Variants in ESRRG observed in about 807,000 individuals in gnomAD.
The protein encoded by ESRRG is estrogen related receptor gamma.
ESRRG carries 13 observed loss-of-function variants against 44.0 expected under a neutral mutation model. The ratio of observed to expected loss-of-function variants is 0.30; its 90% CI spans 0.19 to 0.47. ESRRG has a LOEUF of 0.47. Ranked by LOEUF, ESRRG falls within the 20% of genes least tolerant of loss-of-function variation. ESRRG has a pLI of 1.00. For synonymous variants in ESRRG, 215 were observed against 214.6 expected (o/e 1.00, Z -0.02); for missense variants, 395 against 580.6 (o/e 0.68, Z 3.29).
chr1:216,609,741 A>G (rs1443113414), intron 3 of ESRRG, among the ~76,000 whole-genome samples: 1 of 152,218 alleles, frequency 6.6e-6, no homozygotes, highest in African/African-American at 2.4e-5. Context: ...AGGAGACATA[A>G]GCATAAAAAT....
chr1:217,078,138 G>A (rs1351431767), intron 1 of ESRRG: 1 of 152,200 alleles, frequency 6.6e-6, no homozygotes, highest in Non-Finnish European at 1.5e-5. Context: ...ATACTTACAC[G>A]TTCTGGGTTC....
chr1:216,808,240 T>G (rs1196965496), intron 2 of ESRRG, among the ~76,000 whole-genome samples: 1 of 152,086 alleles, frequency 6.6e-6, no homozygotes, highest in Non-Finnish European at 1.5e-5. Flanking sequence ...TGGTTGCTAT[T>G]ATATTACTGT....
chr1:216,883,386 G>GAAAAAAAAAAAAAA, intron 2 of ESRRG, among the ~76,000 whole-genome samples: 1 of 75,842 alleles, frequency 1.3e-5, no homozygotes, highest in Non-Finnish European at 2.8e-5. Flanking sequence ...ACTTCTCTGA[G>GAAAAAAAAAAAAAA]AAAAAAAAAA....
At chr1:216,952,092 T>C (rs1425925899) in intron 1 of ESRRG, among the ~76,000 whole-genome samples, 2 of 152,206 alleles carry the variant, frequency 1.3e-5, no homozygotes, top group Non-Finnish European at 1.5e-5. Flanking sequence ...TCAACTTGTG[T>C]AAACGATCTC....
At chr1:216,720,664 T>C (rs2086053384) in intron 1 of ESRRG, among the ~76,000 whole-genome samples, 1 of 152,148 alleles carries the variant, frequency 6.6e-6, no homozygotes, top group African/African-American at 2.4e-5. Flanking sequence ...GTCTTGTTTT[T>C]TAATTAGTAT....
chr1:216,968,185 G>C (rs2070857218), intron 1 of ESRRG, among the ~76,000 whole-genome samples: 1 of 151,982 alleles, frequency 6.6e-6, no homozygotes, highest in Non-Finnish European at 1.5e-5. Context: ...CCAGTCTTTG[G>C]CTTGTTTTCT....
chr1:217,124,718 C>A (rs1051263151), intron 1 of ESRRG, among the ~76,000 whole-genome samples: 1 of 152,124 alleles, frequency 6.6e-6, no homozygotes, highest in Non-Finnish European at 1.5e-5. Flanking sequence ...CCAAGGTAAT[C>A]GGGCTTAGGT....
intron 2 of ESRRG, among the ~76,000 whole-genome samples, chr1:216,753,576 TA>T (rs2092239295): frequency 6.6e-6 from 1 of 152,104 alleles, no homozygotes; most frequent in African/African-American, 2.4e-5. Flanking sequence ...GTTCTGATTT[TA>T]AAAAAGTTAA....
chr1:216,899,319 G>A (rs1375946457), intron 2 of ESRRG, among the ~76,000 whole-genome samples: 1 of 152,118 alleles, frequency 6.6e-6, no homozygotes, highest in African/African-American at 2.4e-5. Context: ...TATAGACAAT[G>A]TTGACGATGT....
In ESRRG at chr1:216,677,408, G is replaced by A. The variant is rs375119868; in HGVS notation, c.140C>T (p.Ala47Val). The change falls in exon 2 of 7, where the codon GCC (alanine) becomes GTC (valine). Residue 47 changes from alanine (A) to valine (V), a missense_variant. By Grantham distance (64) the Ala-to-Val change is moderately conservative (BLOSUM62 0). Transcript: ENST00000408911. ...SFIKTEPSSP[A>V]SLTDSVNHHS... ...GTGGTTGACGCTGTCCGTCAGGGAG[G>A]CTGGGCTGGAAGGTTCCGTCTTGAT... 14 of 1,614,056 alleles carry A rather than the reference G, an allele frequency of 8.7e-6. No individual in the cohort carries two copies. The highest frequency in any genetic ancestry group is 1.3e-5 in the African/African-American group (1 of 74,922).
intron 1 of ESRRG, among the ~76,000 whole-genome samples, chr1:217,083,167 G>A (rs6689271): frequency 1.3e-5 from 2 of 151,954 alleles, no homozygotes; most frequent in Non-Finnish European, 2.9e-5. Context: ...ATGGTCTAGC[G>A]TAGGAAACTA....
chr1:216,947,387 T>C (rs2066219628), intron 1 of ESRRG, among the ~76,000 whole-genome samples: 1 of 152,132 alleles, frequency 6.6e-6, no homozygotes, highest in African/African-American at 2.4e-5. Context: ...ATGTTGATGG[T>C]TTTTCAGATG....
intron 3 of ESRRG, among the ~76,000 whole-genome samples, chr1:216,618,613 G>A (rs1324667692): frequency 1.3e-5 from 2 of 152,160 alleles, no homozygotes; most frequent in Non-Finnish European, 2.9e-5. Context: ...GCAAGTGGTA[G>A]CCCTTAACAA....
chr1:216,672,817 A>G (rs1035795660), intron 2 of ESRRG, among the ~76,000 whole-genome samples: 4 of 152,176 alleles, frequency 2.6e-5, no homozygotes, highest in African/African-American at 9.7e-5. Context: ...CAGTGAGCCA[A>G]GATCACATCA....
chr1:216,839,335 C>T (rs187693165), intron 2 of ESRRG, among the ~76,000 whole-genome samples: 2 of 152,214 alleles, frequency 1.3e-5, no homozygotes, highest in Admixed American at 1.3e-4. Flanking sequence ...ATTTCCACCA[C>T]ATCTGCACTT....
intron 2 of ESRRG, among the ~76,000 whole-genome samples, chr1:216,729,172 C>T (rs1247540667): frequency 1.3e-5 from 2 of 152,156 alleles, no homozygotes; most frequent in African/African-American, 4.8e-5. Flanking sequence ...GCAGGTTAAA[C>T]CAATTTAGCA....
chr1:216,760,393 C>G (rs78568448), intron 2 of ESRRG, among the ~76,000 whole-genome samples: 2 of 150,608 alleles, frequency 1.3e-5, no homozygotes, highest in Non-Finnish European at 3.0e-5. Flanking sequence ...TGACAATATA[C>G]GACTATATAT....
intron 1 of ESRRG, among the ~76,000 whole-genome samples, chr1:217,121,288 A>C (rs1249011706): frequency 6.6e-6 from 1 of 152,210 alleles, no homozygotes; most frequent in Non-Finnish European, 1.5e-5. Flanking sequence ...ATGAGGCTGG[A>C]GAGATTCCGG....
intron 2 of ESRRG, among the ~76,000 whole-genome samples, chr1:216,880,379 T>C (rs928839273): frequency 1.4e-5 from 2 of 147,470 alleles, no homozygotes; most frequent in Non-Finnish European, 3.0e-5. Flanking sequence ...ATTTAGGGGA[T>C]TGATAACATT....
Sources: allele counts gnomAD v4.1 joint callset (sites outside exome capture counted in the v4.1 genomes callset), GRCh38; gene constraint gnomAD v4.1.1; transcripts MANE v1.5; gene names NCBI Gene and HGNC (gene_info 2026-07-23, HGNC 2026-07-21).